The following MCF2L variants were observed in gnomAD, a reference collection of about 807,000 sequenced individuals.
MCF2L encodes the protein guanine nucleotide exchange factor DBS.
A neutral mutation model predicts 153.4 loss-of-function variants in MCF2L; 97 were observed. The ratio of observed to expected loss-of-function variants is 0.63; its 90% CI spans 0.54 to 0.75. The LOEUF is 0.75. MCF2L is among the 30% of genes least tolerant of loss of function. The pLI is 0.00. For synonymous variants in MCF2L, 659 were observed against 632.2 expected (o/e 1.04, Z -0.64); for missense variants, 1,347 against 1,495.2 (o/e 0.90, Z 1.64).
intron 3 of MCF2L, among the ~76,000 whole-genome samples, chr13:113,036,722 A>G (rs1044519695): frequency 1.3e-5 from 2 of 152,240 alleles, no homozygotes; most frequent in African/African-American, 4.8e-5. Context: ...CTGCGATATC[A>G]TGCTCCCCTT....
chr13:113,051,547 C>T (rs1408356263), intron 4 of MCF2L, among the ~76,000 whole-genome samples: 7 of 152,206 alleles, frequency 4.6e-5, no homozygotes, highest in Non-Finnish European at 2.9e-5. Context: ...CCCTTCTTCA[C>T]TGTGTATTTC....
intron 1 of MCF2L, among the ~76,000 whole-genome samples, chr13:112,981,583 G>A (rs542305210): frequency 5.9e-5 from 9 of 152,316 alleles, no homozygotes; most frequent in South Asian, 4.1e-4. Flanking sequence ...AGCGGCCTCC[G>A]CGGCACAGAT....
chr13:113,057,676 G>A (rs1211648508), intron 4 of MCF2L, among the ~76,000 whole-genome samples: 1 of 146,852 alleles, frequency 6.8e-6, no homozygotes, highest in African/African-American at 2.5e-5. Flanking sequence ...TTTGGGTGCT[G>A]AGTGTTGGGT....
At chr13:112,895,790 C>T (rs1352731477) in intron 1 of MCF2L, among the ~76,000 whole-genome samples, 1 of 152,170 alleles carries the variant, frequency 6.6e-6, no homozygotes, top group African/African-American at 2.4e-5. Context: ...CCGGCTCCGC[C>T]CTCCCAGGTC....
At chr13:113,080,584 A>G (rs1594965899) in intron 15 of MCF2L, among the ~76,000 whole-genome samples, 1 of 152,194 alleles carries the variant, frequency 6.6e-6, no homozygotes, top group African/African-American at 2.4e-5. Flanking sequence ...AAAGGTGCTC[A>G]CACCCACAGC....
chr13:113,088,733 T>C (rs944769085), intron 25 of MCF2L, 105 bp downstream of exon 25: 10 of 1,232,240 alleles, frequency 8.1e-6, no homozygotes, highest in African/African-American at 4.5e-5. Context: ...CCTGTGGTTA[T>C]TGGGGTTTTC....
chr13:112,951,300 C>A lies in MCF2L; in HGVS notation c.169+48929C>A, dbSNP rs1022862846. On this transcript the variant is annotated intron_variant, in intron 2 of 29. Transcript: ENST00000375608. The surrounding 1 kb of genome is among the most constrained non-coding windows in gnomAD (Gnocchi z 4.8). ...ACTTTGGAAAACAATTTAGCAGTTTCTTTTAAAACAAAATATGCAACTCTC... is the reference window on the plus strand; with the variant it reads ...ACTTTGGAAAACAATTTAGCAGTTTATTTTAAAACAAAATATGCAACTCTC... Among the ~76,000 whole-genome samples the A allele has an allele frequency of 1.3e-5, 2 of 152,176 alleles. No homozygotes were observed. The highest frequency in any genetic ancestry group is 2.4e-5 in the African/African-American group (1 of 41,442).
chr13:112,945,392 C>T (rs916577924), intron 2 of MCF2L, among the ~76,000 whole-genome samples: 2 of 152,158 alleles, frequency 1.3e-5, no homozygotes, highest in Admixed American at 1.3e-4. Flanking sequence ...GGGGAGTATA[C>T]GAGGACTCCC....
Position 113,075,064 on chromosome 13 carries a change from G to T in MCF2L, c.1183G>T (p.Ala395Ser). Residue 395 changes from alanine (A) to serine (S), a missense_variant, in exon 11 of 30, where the codon GCG becomes TCG. Around this residue, in one of 3 missense-constraint regions of MCF2L, gnomAD observed 820 missense variants for 921.2 expected, o/e 0.89. Transcript: ENST00000535094. ...GCAGCTCATTGGGAACAAGCACTAC[G>T]CGGTAGACTCCATCCGCCCAAAGTG... ...GEQLIGNKHYAVDSIRPKCQE... is the reference protein window; with the variant it reads ...GEQLIGNKHYSVDSIRPKCQE... 1 of 1,613,816 alleles carries T rather than the reference G, an allele frequency of 6.2e-7. No homozygotes were observed. Among genetic ancestry groups the T allele is most frequent in the South Asian group, 1.1e-5 (1 of 91,086 alleles).
chr13:112,895,788 G>A (rs1023364002), intron 1 of MCF2L, among the ~76,000 whole-genome samples: 17 of 152,128 alleles, frequency 1.1e-4, no homozygotes, highest in African/African-American at 2.7e-4. Flanking sequence ...GGCCGGCTCC[G>A]CCCTCCCAGG....
chr13:113,085,366 C>T (rs1252008098), intron 20 of MCF2L, among the ~76,000 whole-genome samples, 188 bp downstream of exon 20: 2 of 152,170 alleles, frequency 1.3e-5, no homozygotes, highest in Admixed American at 6.5e-5. Flanking sequence ...TCTGAGGACG[C>T]AGGTGAGCAG....
chr13:113,045,611 A>G lies in MCF2L; in HGVS notation c.369+250A>G. 1 of 564,008 alleles carries G rather than the reference A, an allele frequency of 1.8e-6. No individual in the cohort carries two copies. The highest frequency in any genetic ancestry group is 2.9e-5 in the East Asian group (1 of 34,386). The allele number at this position is 564,008 out of a possible 1,614,324, so 34.9% of individuals were successfully genotyped here. A position where few individuals can be genotyped will look rare whatever the true frequency, so the allele number is the denominator to read the frequency against. On this transcript the variant is annotated intron_variant, in intron 4 of 29. Transcript: ENST00000535094. This position sits in a 1 kb window ranked among gnomAD's most constrained non-coding sequence, Gnocchi z 4.2. ...AATGTGACTTGCAAACAATTTCCCC[A>G]GGCAGAGCAGCCCATATGTTTCCGA...
chr13:113,091,001 A>G, intron 26 of MCF2L: 1 of 1,251,736 alleles, frequency 8.0e-7, no homozygotes, highest in Non-Finnish European at 1.0e-6. Context: ...TCATCGGTGG[A>G]AAGGGGCCAC....
chr13:112,949,487 T>C (rs2081669290), intron 2 of MCF2L, among the ~76,000 whole-genome samples: 1 of 152,072 alleles, frequency 6.6e-6, no homozygotes, highest in Non-Finnish European at 1.5e-5. Context: ...TAACAAGATA[T>C]TGGTAAATAT....
chr13:113,020,741 G>C (rs564460063), intron 2 of MCF2L, among the ~76,000 whole-genome samples: 4 of 152,318 alleles, frequency 2.6e-5, no homozygotes, highest in African/African-American at 9.6e-5. Flanking sequence ...GAATTCAGGG[G>C]AAGACAGACA....
intron 2 of MCF2L, among the ~76,000 whole-genome samples, chr13:112,942,945 C>G (rs1161973246): frequency 6.6e-6 from 1 of 152,152 alleles, no homozygotes; most frequent in African/African-American, 2.4e-5. Context: ...AGCTGCTGTT[C>G]CATTTTTCCT....
At position 113,070,292 on chromosome 13, in the gene MCF2L, C is replaced by T; in HGVS notation, c.996+119C>T. On this transcript the variant is annotated intron_variant, in intron 9 of 29. Transcript: ENST00000535094. The surrounding 1 kb of genome is among the most constrained non-coding windows in gnomAD (Gnocchi z 5.6). ...CCACCCAGTTGACTTTGGCTTAATG[C>T]AGAAAAGTCTCCGCTTGCCAGGTGG... 1 of 594,890 alleles carries T rather than the reference C, an allele frequency of 1.7e-6. No individual in the cohort carries two copies. The highest frequency in any genetic ancestry group is 2.7e-6 in the Non-Finnish European group (1 of 366,014). 36.9% of individuals were successfully genotyped at this position (594,890 alleles called of 1,614,324 possible).
chr13:113,001,206 G>A (rs945991460), intron 1 of MCF2L: 1 of 152,156 alleles, frequency 6.6e-6, no homozygotes, highest in African/African-American at 2.4e-5. Flanking sequence ...GCAGCCGGGA[G>A]CCTGCCTTCT....
At position 113,096,756 on chromosome 13, in the gene MCF2L, C is replaced by T. The variant is rs974574955; in HGVS notation, c.3293-18C>T. ...CAGAGCCGACGCCGAAGCCCGTCCC[C>T]GCCTGATCTCCCCGCAGAGTCGAGC... On this transcript the variant is annotated intron_variant, in intron 29 of 29. Transcript: ENST00000535094. 3 of 1,563,670 alleles carry T rather than the reference C, an allele frequency of 1.9e-6. No individual in the cohort carries two copies. The highest frequency in any genetic ancestry group is 2.6e-6 in the Non-Finnish European group (3 of 1,163,018).
Sources: allele counts gnomAD v4.1 joint callset (sites outside exome capture counted in the v4.1 genomes callset), GRCh38; gene constraint gnomAD v4.1.1; regional missense constraint gnomAD v4.1.1; non-coding constraint Gnocchi (gnomAD v3.1); transcripts MANE v1.5; gene names NCBI Gene and HGNC (gene_info 2026-07-23, HGNC 2026-07-21).